DAB1: variants seen among roughly 807,000 people sequenced by gnomAD.
DAB1 encodes disabled homolog 1.
A neutral mutation model predicts 64.6 loss-of-function variants in DAB1; 15 were observed. That is an observed-to-expected ratio of 0.23 (90% CI 0.16 to 0.36). The LOEUF (loss-of-function observed/expected upper bound fraction) is 0.36, where lower values mean the gene tolerates loss of function less well. Among genes scored for constraint, DAB1 ranks in the 10% least tolerant of loss-of-function variants. The pLI, the probability that DAB1 is intolerant of heterozygous loss-of-function variation, is 1.00. For synonymous variants in DAB1, 235 were observed against 251.9 expected, an observed-to-expected ratio of 0.93 and a Z score of 0.64; for missense variants, 596 against 706.7, an observed-to-expected ratio of 0.84 and a Z score of 1.78.
At chr1:58,207,596 C>A (rs1013058796) in intron 4 of DAB1, among the ~76,000 whole-genome samples, 12 of 152,278 alleles carry the variant, frequency 7.9e-5, no homozygotes, top group African/African-American at 2.6e-4. Context: ...CTGTGACTGT[C>A]CTGGTTTTAA....
At chr1:58,038,631 T>C (rs547148174) in intron 5 of DAB1, among the ~76,000 whole-genome samples, 1 of 151,148 alleles carries the variant, frequency 6.6e-6, no homozygotes, top group South Asian at 2.1e-4. Context: ...AGACCTGCCC[T>C]GATGGGGTGT....
At chr1:57,652,105 T>C (rs1318280283) in intron 6 of DAB1, among the ~76,000 whole-genome samples, 1 of 152,188 alleles carries the variant, frequency 6.6e-6, no homozygotes, top group East Asian at 1.9e-4. Flanking sequence ...TGTAGACAAA[T>C]AATTGCCAGC....
At chr1:57,186,248 A>G (rs1663548447) in intron 2 of DAB1, among the ~76,000 whole-genome samples, 1 of 152,210 alleles carries the variant, frequency 6.6e-6, no homozygotes, top group Non-Finnish European at 1.5e-5. Flanking sequence ...TTCTCCAAAA[A>G]CAGCCCCAGC....
intron 1 of DAB1, among the ~76,000 whole-genome samples, chr1:57,854,497 C>T (rs1429906878): frequency 6.6e-6 from 1 of 152,168 alleles, no homozygotes; most frequent in Admixed American, 6.5e-5. Flanking sequence ...ATCTTCATAA[C>T]AACCCTGAGG....
At chr1:57,899,888 C>T (rs1644448277) in intron 5 of DAB1, among the ~76,000 whole-genome samples, 1 of 152,056 alleles carries the variant, frequency 6.6e-6, no homozygotes, top group African/African-American at 2.4e-5. Flanking sequence ...CTCAATGGAA[C>T]TGAACACAAA....
At chr1:57,538,057 T>C (rs1003266059) in intron 7 of DAB1, among the ~76,000 whole-genome samples, 2 of 152,078 alleles carry the variant, frequency 1.3e-5, no homozygotes, top group Non-Finnish European at 2.9e-5. Flanking sequence ...CCCAGTGACC[T>C]AAACACCTCC....
intron 7 of DAB1, among the ~76,000 whole-genome samples, chr1:57,439,091 G>A (rs1181417151): frequency 1.3e-5 from 2 of 152,162 alleles, no homozygotes; most frequent in African/African-American, 2.4e-5. Context: ...TAACTAGACC[G>A]AGTCTCAGTG....
At chr1:58,460,847 T>G (rs1645237017) in intron 3 of DAB1, among the ~76,000 whole-genome samples, 1 of 152,228 alleles carries the variant, frequency 6.6e-6, no homozygotes, top group South Asian at 2.1e-4. Context: ...GAATGCTCAG[T>G]ATTTGTCACC....
intron 4 of DAB1, among the ~76,000 whole-genome samples, chr1:58,285,599 T>C (rs1444340705): frequency 6.6e-6 from 1 of 152,044 alleles, no homozygotes; most frequent in Non-Finnish European, 1.5e-5. Context: ...TACCTAGGAA[T>C]ACACCTAACA....
chr1:58,274,548 C>T (rs1274912525), intron 4 of DAB1, among the ~76,000 whole-genome samples: 1 of 142,130 alleles, frequency 7.0e-6, no homozygotes, highest in Non-Finnish European at 1.5e-5. Context: ...TTCGAGCTTC[C>T]TGGCTGCTTT....
intron 3 of DAB1, among the ~76,000 whole-genome samples, chr1:58,357,230 G>A (rs1255113278): frequency 6.6e-6 from 1 of 152,086 alleles, no homozygotes; most frequent in Non-Finnish European, 1.5e-5. Flanking sequence ...AGTGGCTTGG[G>A]CTAGGTCTCT....
intron 5 of DAB1, among the ~76,000 whole-genome samples, chr1:58,121,135 A>T (rs1339930070): frequency 6.6e-6 from 1 of 152,046 alleles, no homozygotes; most frequent in Non-Finnish European, 1.5e-5. Flanking sequence ...TTCCCAGCTC[A>T]TCAACTAGCA....
chr1:57,277,428 C>A (rs1319027581), intron 2 of DAB1, among the ~76,000 whole-genome samples: 1 of 152,092 alleles, frequency 6.6e-6, no homozygotes, highest in African/African-American at 2.4e-5. Flanking sequence ...TTAATCACAG[C>A]CTCAACCTGA....
intron 5 of DAB1, among the ~76,000 whole-genome samples, chr1:58,114,469 G>C (rs1208482222): frequency 6.6e-6 from 1 of 152,170 alleles, no homozygotes; most frequent in African/African-American, 2.4e-5. Flanking sequence ...CTGCATTCCA[G>C]TCTCATTGCC....
At chr1:57,339,149 T>A (rs74397589) in intron 1 of DAB1, among the ~76,000 whole-genome samples, 125 of 143,242 alleles carry the variant, frequency 8.7e-4, no homozygotes, top group African/African-American at 2.9e-3. Flanking sequence ...TTTTTTTTTT[T>A]AATTAATTAT....
chr1:58,304,300 C>G (rs1028167410), intron 4 of DAB1, among the ~76,000 whole-genome samples: 2 of 152,154 alleles, frequency 1.3e-5, no homozygotes, highest in Admixed American at 1.3e-4. Flanking sequence ...AATTTGCCCC[C>G]TAGATGTACT....
At chr1:58,172,395 C>T (rs1656224402) in intron 4 of DAB1, among the ~76,000 whole-genome samples, 1 of 152,136 alleles carries the variant, frequency 6.6e-6, no homozygotes, top group African/African-American at 2.4e-5. Context: ...CAAAATAATA[C>T]AAGGAAAGGA....
chr1:57,753,630 T>C (rs1281299967), intron 6 of DAB1, among the ~76,000 whole-genome samples: 1 of 152,360 alleles, frequency 6.6e-6, no homozygotes, highest in Non-Finnish European at 1.5e-5. Flanking sequence ...TCTACATCTC[T>C]TTCTATGATG....
chr1:58,473,093 C>T (rs989577710), intron 3 of DAB1, among the ~76,000 whole-genome samples: 1 of 152,196 alleles, frequency 6.6e-6, no homozygotes, highest in Non-Finnish European at 1.5e-5. Flanking sequence ...TCATGCTTTA[C>T]AAACCATCCA....
Sources: gnomAD v4.1 joint callset for allele counts (sites outside exome capture counted in the v4.1 genomes callset) on GRCh38, gnomAD v4.1.1 for gene constraint, MANE v1.5 for transcripts, NCBI Gene and HGNC (gene_info 2026-07-23, HGNC 2026-07-21) for gene names.